ZNF385D: variants seen among roughly 807,000 people sequenced by gnomAD.
ZNF385D encodes the protein zinc finger protein 659.
ZNF385D carries 15 observed loss-of-function variants against 35.8 expected under a neutral mutation model. The ratio of observed to expected loss-of-function variants is 0.42; its 90% confidence interval spans 0.28 to 0.64. The LOEUF (loss-of-function observed/expected upper bound fraction) is 0.64, where lower values mean the gene tolerates loss of function less well. Among genes scored for constraint, ZNF385D ranks in the 30% least tolerant of loss-of-function variants. The pLI is 0.23. For missense variants in ZNF385D, 474 were observed against 494.6 expected (o/e 0.96, Z 0.39); for synonymous variants, 212 against 186.8 (o/e 1.13, Z -1.10).
At chr3:21,446,820 C>G (rs437576) in intron 4 of ZNF385D, among the ~76,000 whole-genome samples, 98,073 of 151,854 alleles carry the variant, frequency 0.65, 31,961 homozygotes, top group African/African-American at 0.72. Context: ...GAGAGATGCA[C>G]TTTTTGATAA....
intron 2 of ZNF385D, among the ~76,000 whole-genome samples, chr3:21,574,105 T>C (rs1575221768): frequency 6.8e-6 from 1 of 146,428 alleles, no homozygotes; most frequent in Admixed American, 6.8e-5. Context: ...AAAGAAAGAA[T>C]GTATCTAGGC....
chr3:21,834,980 C>T (rs531911443), intron 3 of ZNF385D, among the ~76,000 whole-genome samples: 1 of 152,182 alleles, frequency 6.6e-6, no homozygotes, highest in South Asian at 2.1e-4. Context: ...ATTACCCAGT[C>T]TCAGGTAGTT....
intron 3 of ZNF385D, among the ~76,000 whole-genome samples, chr3:21,841,444 AAGTC>A (rs1455692179): frequency 6.6e-6 from 1 of 151,922 alleles, no homozygotes; most frequent in African/African-American, 2.4e-5. Flanking sequence ...ATTTTAAAAA[AAGTC>A]AGACTACTGT....
chr3:21,460,178 CT>C (rs35583200), intron 4 of ZNF385D, among the ~76,000 whole-genome samples: 17,362 of 152,078 alleles, frequency 0.11, 1,399 homozygotes, highest in East Asian at 0.31. Flanking sequence ...GTAACACCAT[CT>C]TTTTTTTCTT....
chr3:21,979,952 G>A (rs1049572994), intron 3 of ZNF385D: 2 of 152,118 alleles, frequency 1.3e-5, no homozygotes, highest in East Asian at 3.9e-4. Flanking sequence ...TCTTACTTAT[G>A]GGCTGGACTC....
At chr3:22,070,968 C>T (rs1407280282) in intron 3 of ZNF385D, among the ~76,000 whole-genome samples, 3 of 152,176 alleles carry the variant, frequency 2.0e-5, no homozygotes, top group African/African-American at 4.8e-5. Flanking sequence ...AGGAAGAATA[C>T]GGCATTCTCC....
At chr3:21,763,320 T>A (rs2070699489) in intron 3 of ZNF385D, among the ~76,000 whole-genome samples, 4 of 152,152 alleles carry the variant, frequency 2.6e-5, no homozygotes, top group Admixed American at 2.0e-4. Context: ...TCTTTCTCTA[T>A]AACAAAGGTA....
intron 3 of ZNF385D, among the ~76,000 whole-genome samples, chr3:22,164,475 C>T (rs985970586): frequency 6.6e-5 from 10 of 151,718 alleles, no homozygotes; most frequent in African/African-American, 2.4e-4. Context: ...GATCTGGCCC[C>T]TGTGATCTCC....
At chr3:21,697,870 C>T (rs1018483765) in intron 1 of ZNF385D, among the ~76,000 whole-genome samples, 12 of 151,998 alleles carry the variant, frequency 7.9e-5, no homozygotes, top group South Asian at 2.1e-4. Flanking sequence ...TTAATCATCA[C>T]GGAAATGCCA....
intron 2 of ZNF385D, among the ~76,000 whole-genome samples, chr3:21,613,701 C>T (rs903562379): frequency 6.6e-6 from 1 of 152,136 alleles, no homozygotes; most frequent in Non-Finnish European, 1.5e-5. Context: ...TAGTCTAGGA[C>T]AGAGTGAGAA....
chr3:21,697,217 T>C (rs2067501845), intron 1 of ZNF385D, among the ~76,000 whole-genome samples: 1 of 152,122 alleles, frequency 6.6e-6, no homozygotes, highest in Admixed American at 6.5e-5. Context: ...GAAAAAAGAT[T>C]TGAGTGCTTA....
At chr3:21,598,443 A>G (rs966966178) in intron 2 of ZNF385D, among the ~76,000 whole-genome samples, 10 of 152,254 alleles carry the variant, frequency 6.6e-5, no homozygotes, top group Admixed American at 5.2e-4. Flanking sequence ...ATTGCTGTCA[A>G]GCAGTACAAA....
chr3:21,804,550 A>C (rs1333556154), intron 3 of ZNF385D, among the ~76,000 whole-genome samples: 1 of 152,170 alleles, frequency 6.6e-6, no homozygotes, highest in Non-Finnish European at 1.5e-5. Context: ...TTGCCTAAGG[A>C]GAAAGTTCCT....
intron 3 of ZNF385D, among the ~76,000 whole-genome samples, chr3:22,037,506 T>C (rs1366918702): frequency 6.6e-6 from 1 of 152,142 alleles, no homozygotes; most frequent in African/African-American, 2.4e-5. Context: ...TGCATAAATG[T>C]CTTCTTTTGA....
intron 3 of ZNF385D, among the ~76,000 whole-genome samples, chr3:21,874,648 T>C (rs1030488542): frequency 1.7e-4 from 26 of 152,156 alleles, no homozygotes; most frequent in African/African-American, 6.0e-4. Context: ...AGCTTTGTAA[T>C]ATGTTTCAAA....
chr3:22,223,295 C>A (rs976476182), intron 2 of ZNF385D, among the ~76,000 whole-genome samples: 3 of 151,826 alleles, frequency 2.0e-5, no homozygotes, highest in East Asian at 3.9e-4. Flanking sequence ...TTCTCTATCT[C>A]GGTTGTTTGT....
chr3:21,937,802 A>G (rs1701330457), intron 3 of ZNF385D, among the ~76,000 whole-genome samples: 1 of 152,194 alleles, frequency 6.6e-6, no homozygotes, highest in African/African-American at 2.4e-5. Context: ...GGTCTTATCA[A>G]CCCAATGCTT....
chr3:21,921,757 T>C (rs35976399), intron 3 of ZNF385D, among the ~76,000 whole-genome samples: 80,594 of 150,982 alleles, frequency 0.53, 23,587 homozygotes, highest in South Asian at 0.66. Flanking sequence ...TAGATAAATT[T>C]CTGGAAACAC....
At position 21,539,318 on chromosome 3, in the gene ZNF385D, G is replaced by T. The variant is rs1016940277; in HGVS notation, c.276+25256C>A. Among the ~76,000 whole-genome samples the T allele has an allele frequency of 8.6e-5, 13 of 151,968 alleles. No homozygotes were observed. Among genetic ancestry groups the T allele is most frequent in the Admixed American group, 5.9e-4 (9 of 15,228 alleles). On this transcript the variant is annotated intron_variant, in intron 3 of 7. Coordinates refer to ENST00000281523, the MANE Select transcript of ZNF385D (RefSeq NM_024697.3). The surrounding 1 kb of genome is among the most constrained non-coding windows in gnomAD (Gnocchi z 4.0). The stretch of plus-strand genomic sequence containing the variant: ...TCATTAATTGATGCCATTTTGCCCT[G>T]GTTTTGTTTCACGGATTAAATTAAG...
Sources: allele counts gnomAD v4.1 joint callset (sites outside exome capture counted in the v4.1 genomes callset), GRCh38; gene constraint gnomAD v4.1.1; non-coding constraint Gnocchi (gnomAD v3.1); transcripts MANE v1.5; gene names NCBI Gene and HGNC (gene_info 2026-07-23, HGNC 2026-07-21).